CPLANE1: variants seen among roughly 807,000 people sequenced by gnomAD.
The protein encoded by CPLANE1 is ciliogenesis and planar polarity effector 1.
Under a neutral mutation model 362.5 loss-of-function variants are expected in CPLANE1, and 263 were observed. The observed-to-expected ratio is 0.73, with a 90% CI of 0.66 to 0.80. CPLANE1 has a LOEUF of 0.80. Ranked by LOEUF, CPLANE1 falls within the 30% of genes least tolerant of loss-of-function variation. CPLANE1 has a pLI of 0.00. For missense variants in CPLANE1, 3,461 were observed against 3,793.4 expected (o/e 0.91, Z 2.30); for synonymous variants, 1,212 against 1,302.6 (o/e 0.93, Z 1.50).
At chr5:37,085,827 T>C in the CPLANE1 span, 3 of 1,372,310 alleles carry the variant, frequency 2.2e-6, no homozygotes, top group Admixed American at 3.4e-5. Flanking sequence ...GACAAAAGAC[T>C]GGGGGCCAAA....
At position 37,249,320 on chromosome 5, in the gene CPLANE1, A is replaced by T. The variant is rs1256607336; in HGVS notation, c.-123T>A. 6.6e-6 allele frequency: 1 copy of T among 152,268 alleles called. No homozygotes were observed. The highest frequency in any genetic ancestry group is 2.4e-5 in the African/African-American group (1 of 41,460). 9.4% of individuals were successfully genotyped at this position (152,268 alleles called of 1,614,324 possible). A position where few individuals can be genotyped will look rare whatever the true frequency, so the allele number is the denominator to read the frequency against. The stretch of plus-strand genomic sequence containing the variant: ...GCCGACTGCGCGGGGTGAAGACGCC[A>T]GGCCGACAGCTGCGGGCCCTACCGC... On this transcript the variant is annotated 5_prime_UTR_variant, in exon 1 of 53. Transcript: ENST00000651892.
chr5:37,170,403 T>G, intron 32 of CPLANE1, 72 bp from the exon 33 acceptor site: 1 of 1,368,128 alleles, frequency 7.3e-7, no homozygotes, highest in Non-Finnish European at 1.0e-6. Context: ...ACAATAATCA[T>G]CTGAGTATTC....
chr5:37,104,216 G>A (rs188629165), downstream of CPLANE1, among the ~76,000 whole-genome samples: 256 of 152,234 alleles, frequency 1.7e-3, 1 homozygote, highest in Non-Finnish European at 2.0e-3. Context: ...GCTCTATCAG[G>A]TCAGTTTTCT....
At chr5:37,096,159 A>G in the CPLANE1 span, among the ~76,000 whole-genome samples, 2 of 152,230 alleles carry the variant, frequency 1.3e-5, no homozygotes, top group African/African-American at 2.4e-5. Flanking sequence ...GAGGCATCAC[A>G]TTACCTGATT....
chr5:37,187,776 C>T lies in CPLANE1; in HGVS notation c.3878G>A (p.Cys1293Tyr), dbSNP rs1430788919. The T allele has an allele frequency of 6.2e-7, 1 of 1,613,680 alleles. No homozygotes were observed. Among genetic ancestry groups the T allele is most frequent in the East Asian group, 2.2e-5 (1 of 44,852 alleles). The change falls in exon 22 of 53, where the codon TGC (cysteine) becomes TAC (tyrosine). Residue 1293 changes from cysteine (C) to tyrosine (Y), a missense_variant. Coordinates refer to ENST00000651892, the MANE Select transcript of CPLANE1 (RefSeq NM_001384732.1). ...TTCTCTTGCTTTCTGATATTGCCTG[C>T]AACTATAGGATAACTTATCACGGAC... ...LHVRDKLSYSCRQYQKARENV... is the reference protein window; with the variant it reads ...LHVRDKLSYSYRQYQKARENV...
chr5:37,222,282 T>C (rs913483968), intron 14 of CPLANE1, among the ~76,000 whole-genome samples: 16 of 152,154 alleles, frequency 1.1e-4, no homozygotes, highest in African/African-American at 3.9e-4. Context: ...TAAAGAAAGG[T>C]AAATCAGCTA....
chr5:37,170,273 A>T lies in CPLANE1; in HGVS notation c.6230T>A (p.Leu2077His). Reference protein sequence around the residue: ...MQIVGSSFANLPDTQQLVQQS... With the variant: ...MQIVGSSFANHPDTQQLVQQS... ...CTGTACAAGTTGTTGTGTATCTGGG[A>T]GATTAGCAAAGGATGATCCTACTAT... Residue 2077 changes from leucine to histidine, a missense_variant, in exon 33 of 53, where the codon CTC becomes CAC. Leu to His is a moderately conservative substitution (Grantham distance 99). Around this residue, in one of 2 missense-constraint regions of CPLANE1, gnomAD observed 3,380 missense variants for 3,666.1 expected, o/e 0.92. Coordinates refer to ENST00000651892, the MANE Select transcript of CPLANE1 (RefSeq NM_001384732.1). 6.2e-7 allele frequency: 1 copy of T among 1,614,176 alleles called. No homozygotes were observed. Among genetic ancestry groups the T allele is most frequent in the African/African-American group, 1.3e-5 (1 of 75,056 alleles).
intron 41 of CPLANE1, among the ~76,000 whole-genome samples, 194 bp downstream of exon 41, chr5:37,157,119 G>T (rs1045493793): frequency 6.6e-6 from 1 of 152,170 alleles, no homozygotes; most frequent in African/African-American, 2.4e-5. Context: ...AAACAGATCT[G>T]TGACTTCTTA....
intron 21 of CPLANE1, among the ~76,000 whole-genome samples, chr5:37,193,523 C>A (rs568791992): frequency 6.6e-6 from 1 of 151,930 alleles, no homozygotes; most frequent in Non-Finnish European, 1.5e-5. Flanking sequence ...GGCGCAGCAG[C>A]GGGTGCCTAT....
At position 37,121,802 on chromosome 5, in the gene CPLANE1, A is replaced by G; in HGVS notation, c.9018-18T>C. On this transcript the variant is annotated intron_variant, in intron 48 of 52. Transcript: ENST00000651892. Reference sequence around the variant, plus strand: ...GCAGCAATCTGTAGACAAAGAATTAAGCATCATTTATTAAGAGTCACTTTC... The same window carrying G: ...GCAGCAATCTGTAGACAAAGAATTAGGCATCATTTATTAAGAGTCACTTTC... 1 of 1,604,744 alleles carries G rather than the reference A, an allele frequency of 6.2e-7. No individual in the cohort carries two copies. The highest frequency in any genetic ancestry group is 8.5e-7 in the Non-Finnish European group (1 of 1,172,098).
chr5:37,169,894 C>A (rs1354928209), intron 33 of CPLANE1, 147 bp downstream of exon 33: 2 of 797,672 alleles, frequency 2.5e-6, no homozygotes, highest in African/African-American at 3.5e-5. Flanking sequence ...ACCCGGCTGA[C>A]TTTTGTATTT....
the CPLANE1 span, chr5:37,085,323 A>G: frequency 7.0e-6 from 9 of 1,276,898 alleles, no homozygotes; most frequent in Non-Finnish European, 1.0e-5. Flanking sequence ...GGATGTCATC[A>G]GCATTGACAA....
intron 41 of CPLANE1, among the ~76,000 whole-genome samples, chr5:37,154,689 C>T (rs2150644921): frequency 6.6e-6 from 1 of 152,038 alleles, no homozygotes; most frequent in Admixed American, 6.6e-5. Flanking sequence ...CCATCCATTC[C>T]TTTTACCCAT....
chr5:37,224,407 C>G (rs890641588), intron 13 of CPLANE1, 74 bp from the exon 14 acceptor site: 3 of 1,315,670 alleles, frequency 2.3e-6, no homozygotes, highest in Non-Finnish European at 3.1e-6. Context: ...GTTTTAAAAT[C>G]CAGTTAATGG....
chr5:37,184,930 C>G lies in CPLANE1; in HGVS notation c.4339G>C (p.Gly1447Arg), dbSNP rs149365619. The part of the protein sequence containing the change: ...IEEEKPDEAP[G>R]VDRYSLGTSL... The stretch of plus-strand genomic sequence containing the variant: ...GTCCCCAGGGAATATCTGTCAACAC[C>G]TGGAGCCTCATCTGGTTTCTCTTCT... Residue 1447 changes from glycine (G) to arginine (R), a missense_variant, in exon 25 of 53, where the codon GGT becomes CGT. Gly to Arg is a moderately radical substitution (Grantham distance 125). Transcript: ENST00000651892. 2.0e-5 allele frequency: 33 copies of G among 1,614,108 alleles called. No individual in the cohort carries two copies. In the African/African-American group the frequency reaches 4.3e-4, roughly 21 times the overall value.
At chr5:37,195,537 T>C (rs954827183) in intron 21 of CPLANE1, among the ~76,000 whole-genome samples, 4 of 151,466 alleles carry the variant, frequency 2.6e-5, no homozygotes, top group African/African-American at 9.7e-5. Context: ...GGAGGTGTGT[T>C]GCAGTGAGTT....
rs1461104707 is a variant in CPLANE1, at chr5:37,198,768, C to G, written c.3606G>C (p.Gln1202His). The change falls in exon 20 of 53, where the codon CAG becomes CAC. Residue 1202 changes from glutamine (Q) to histidine (H), a missense_variant. Physicochemically the swap from Gln to His is conservative, Grantham distance 24. Coordinates refer to ENST00000651892, the MANE Select transcript of CPLANE1 (RefSeq NM_001384732.1). ...ACCACTGTGCTACAGGAAAAGAACA[C>G]TGAGCCGCCCGGAAAAGCAGGAGAA... is the stretch of plus-strand genomic sequence containing the variant. The part of the protein sequence containing the change: ...QRVLLLFRAA[Q>H]CSFPVAQWYI... The G allele has an allele frequency of 6.2e-7, 1 of 1,613,994 alleles. No homozygotes were observed. The highest frequency in any genetic ancestry group is 1.7e-5 in the Admixed American group (1 of 59,998).
chr5:37,187,163 A>G (rs1405727718), intron 23 of CPLANE1, among the ~76,000 whole-genome samples: 1 of 151,702 alleles, frequency 6.6e-6, no homozygotes, highest in Non-Finnish European at 1.5e-5. Flanking sequence ...CCTTTGACCA[A>G]GATCTCCCCA....
chr5:37,154,459 C>CTTTTTTTTTTTTTTTTTTTTTTTTTT lies in CPLANE1; in HGVS notation c.8120-467_8120-466insAAAAAAAAAAAAAAAAAAAAAAAAAA, dbSNP rs35522666. 7.1e-5 allele frequency among the ~76,000 whole-genome samples: 6 copies of CTTTTTTTTTTTTTTTTTTTTTTTTTT among 84,574 alleles called. 1 individual carries two copies. The highest frequency in any genetic ancestry group is 2.3e-4 in the African/African-American group (4 of 17,644). 55.5% of individuals were successfully genotyped at this position (84,574 alleles called of 152,430 possible). A position where few individuals can be genotyped will look rare whatever the true frequency, so the allele number is the denominator to read the frequency against. On this transcript the variant is annotated intron_variant, in intron 41 of 52. Coordinates refer to ENST00000651892, the MANE Select transcript of CPLANE1 (RefSeq NM_001384732.1). Reference sequence around the variant, plus strand: ...TTCTTCTCCCAAATTTGCAATAGTTCTTTTTTTTTTTTTTTTTTTTTTTTA... The same window carrying CTTTTTTTTTTTTTTTTTTTTTTTTTT: ...TTCTTCTCCCAAATTTGCAATAGTTCTTTTTTTTTTTTTTTTTTTTTTTTTTTTTTTTTTTTTTTTTTTTTTTTTTA...
Sources: allele counts gnomAD v4.1 joint callset (sites outside exome capture counted in the v4.1 genomes callset), GRCh38; gene constraint gnomAD v4.1.1; regional missense constraint gnomAD v4.1.1; transcripts MANE v1.5; gene names NCBI Gene and HGNC (gene_info 2026-07-23, HGNC 2026-07-21).